PPP2R5E: variants seen among roughly 807,000 people sequenced by gnomAD.
The protein encoded by PPP2R5E is protein phosphatase 2 regulatory subunit B'epsilon.
Under a neutral mutation model 65.3 loss-of-function variants are expected in PPP2R5E, and 4 were observed. That is an observed-to-expected ratio of 0.06 (90% CI 0.03 to 0.14). The LOEUF (loss-of-function observed/expected upper bound fraction) is 0.14. Ranked by LOEUF, PPP2R5E falls within the 10% of genes least tolerant of loss-of-function variation. The probability of loss-of-function intolerance (pLI) is 1.00; values close to 1 mark genes in which losing one functional copy is unlikely to be tolerated. For synonymous variants in PPP2R5E, 183 were observed against 187.4 expected (o/e 0.98, Z 0.19); for missense variants, 274 against 556.1 (o/e 0.49, Z 5.10).
intron 3 of PPP2R5E, chr14:63,452,222 T>C (rs1888881584): frequency 6.6e-6 from 1 of 152,230 alleles, no homozygotes; most frequent in Non-Finnish European, 1.5e-5. Flanking sequence ...TGTTGGCTGA[T>C]GATACAGGTA....
At position 63,393,236 on chromosome 14, in the gene PPP2R5E, G is replaced by GT. The variant is rs548994697; in HGVS notation, c.849+583dup. Among the ~76,000 whole-genome samples, 11 of 152,284 alleles carry GT rather than the reference G, an allele frequency of 7.2e-5. No homozygotes were observed. In the South Asian group the frequency reaches 1.2e-3, roughly 17 times the overall value. The stretch of plus-strand genomic sequence containing the variant: ...CATTTTATTATATGTAATAGGTTCA[G>GT]TATGTTATTGTGTGCACTTGGGAAA... On this transcript the variant is annotated intron_variant, in intron 8 of 13. Coordinates refer to ENST00000337537, the MANE Select transcript of PPP2R5E (RefSeq NM_006246.5).
At position 63,372,885 on chromosome 14, in the gene PPP2R5E, G is replaced by A. The variant is rs561401198; in HGVS notation, c.*3124C>T. 6.6e-6 allele frequency: 1 copy of A among 152,244 alleles called. No homozygotes were observed. The highest frequency in any genetic ancestry group is 2.1e-4 in the South Asian group (1 of 4,822). 9.4% of individuals were successfully genotyped at this position (152,244 alleles called of 1,614,324 possible). A position where few individuals can be genotyped will look rare whatever the true frequency, so the allele number is the denominator to read the frequency against. ...AAGATGAAGGAGCATAACCCTGCTT[G>A]TGAGTATCCAGTGGCATCGAGGGTA... On this transcript the variant is annotated 3_prime_UTR_variant, in exon 14 of 14. Transcript: ENST00000337537.
intron 2 of PPP2R5E, among the ~76,000 whole-genome samples, chr14:63,471,171 GT>G (rs1890109417): frequency 6.6e-6 from 1 of 152,194 alleles, no homozygotes; most frequent in African/African-American, 2.4e-5. Flanking sequence ...AAATGCGTAA[GT>G]TTCAAATTTC....
intron 4 of PPP2R5E, among the ~76,000 whole-genome samples, chr14:63,418,096 G>A (rs948932686): frequency 2.0e-5 from 3 of 152,008 alleles, no homozygotes; most frequent in African/African-American, 4.8e-5. Context: ...CTAATGATCC[G>A]GACGTTGCCA....
rs147388284 is a variant in PPP2R5E, at chr14:63,376,328, T to A, written c.1305-220A>T. ...ATTTTCACTTGCAGCTTAGTAAGAA[T>A]CTTAATTTTTCTTTATCTCCAAATA... On this transcript the variant is annotated intron_variant, in intron 13 of 13. Transcript: ENST00000337537. Among the ~76,000 whole-genome samples the A allele has an allele frequency of 5.9e-5, 9 of 152,332 alleles. No individual in the cohort carries two copies. The East Asian group carries it at 1.7e-3, about 29-fold the overall frequency.
intron 2 of PPP2R5E, among the ~76,000 whole-genome samples, chr14:63,478,312 A>T (rs1890508745): frequency 6.6e-6 from 1 of 152,208 alleles, no homozygotes; most frequent in Non-Finnish European, 1.5e-5. Flanking sequence ...AGAGCTTTTT[A>T]AAAATATGGA....
At chr14:63,421,051 T>C (rs1181440310) in intron 4 of PPP2R5E, among the ~76,000 whole-genome samples, 1 of 14,318 alleles carries the variant, frequency 7.0e-5, no homozygotes, top group Non-Finnish European at 1.0e-4. Flanking sequence ...AGACTCCGTC[T>C]CAAAAAAAAA....
chr14:63,391,898 T>C (rs1458913556), intron 9 of PPP2R5E, 31 bp from the exon 10 acceptor site: 4 of 1,610,970 alleles, frequency 2.5e-6, no homozygotes, highest in Non-Finnish European at 3.4e-6. Context: ...ACAAATGGCA[T>C]TTAACTTTTT....
intron 2 of PPP2R5E, among the ~76,000 whole-genome samples, chr14:63,526,388 T>G (rs1893185820): frequency 6.6e-6 from 1 of 152,212 alleles, no homozygotes; most frequent in Non-Finnish European, 1.5e-5. Context: ...TGTATATGTT[T>G]TAATGTTGTG....
intron 2 of PPP2R5E, among the ~76,000 whole-genome samples, chr14:63,519,270 G>C (rs1434458879): frequency 6.6e-6 from 1 of 152,160 alleles, no homozygotes; most frequent in Non-Finnish European, 1.5e-5. Context: ...CCTTATGACT[G>C]GGTAGGGGAT....
chr14:63,497,557 T>G (rs577647125), intron 2 of PPP2R5E, among the ~76,000 whole-genome samples: 4 of 151,606 alleles, frequency 2.6e-5, no homozygotes, highest in Non-Finnish European at 5.9e-5. Flanking sequence ...GAGACCAGCC[T>G]GGTCAACATG....
intron 2 of PPP2R5E, among the ~76,000 whole-genome samples, chr14:63,480,627 G>A (rs1890649430): frequency 6.6e-6 from 1 of 152,006 alleles, no homozygotes; most frequent in Non-Finnish European, 1.5e-5. Flanking sequence ...TCAATTTTTG[G>A]TAGACATAGG....
intron 2 of PPP2R5E, among the ~76,000 whole-genome samples, chr14:63,503,123 C>G (rs1360664811): frequency 3.3e-5 from 5 of 152,162 alleles, no homozygotes; most frequent in Non-Finnish European, 7.4e-5. Flanking sequence ...AAATTACATA[C>G]TATAAGAGCC....
chr14:63,410,552 C>G (rs78038129), intron 5 of PPP2R5E, among the ~76,000 whole-genome samples: 1,558 of 152,184 alleles, frequency 0.01, 17 homozygotes, highest in African/African-American at 0.019. Flanking sequence ...CACCCACTCC[C>G]CAGCAGAACC....
At chr14:63,430,389 A>ACATACATACATGCATACATG (rs1887596526) in intron 3 of PPP2R5E, among the ~76,000 whole-genome samples, 1 of 142,492 alleles carries the variant, frequency 7.0e-6, no homozygotes, top group African/African-American at 2.9e-5. Flanking sequence ...ATACATACAT[A>ACATACATACATGCATACATG]CATACATACA....
At chr14:63,423,523 T>C (rs116615100) in intron 3 of PPP2R5E, among the ~76,000 whole-genome samples, 4,289 of 152,106 alleles carry the variant, frequency 0.028, 188 homozygotes, top group African/African-American at 0.096. Context: ...GACCCAAACA[T>C]ATCCTCCTAA....
chr14:63,514,463 T>TGTTTA (rs10682439), intron 2 of PPP2R5E, among the ~76,000 whole-genome samples: 52,431 of 151,258 alleles, frequency 0.35, 11,330 homozygotes, highest in African/African-American at 0.62. Context: ...TTTAAAACTA[T>TGTTTA]GTTTATTATA....
intron 3 of PPP2R5E, among the ~76,000 whole-genome samples, chr14:63,450,311 G>A (rs1376228447): frequency 6.6e-6 from 1 of 152,152 alleles, no homozygotes; most frequent in East Asian, 1.9e-4. Context: ...CTAAGAAGCC[G>A]AAACTACCAT....
intron 2 of PPP2R5E, among the ~76,000 whole-genome samples, chr14:63,455,053 T>C (rs1473570286): frequency 6.6e-6 from 1 of 152,242 alleles, no homozygotes; most frequent in Admixed American, 6.5e-5. Flanking sequence ...GTGTAGTCAC[T>C]TGCAGTCATC....
Sources: allele counts gnomAD v4.1 joint callset (sites outside exome capture counted in the v4.1 genomes callset), GRCh38; gene constraint gnomAD v4.1.1; transcripts MANE v1.5; gene names NCBI Gene and HGNC (gene_info 2026-07-23, HGNC 2026-07-21).